PDE3A: variants seen among roughly 807,000 people sequenced by gnomAD.
PDE3A encodes cGMP-inhibited 3',5'-cyclic phosphodiesterase 3A.
Under a neutral mutation model 98.3 loss-of-function variants are expected in PDE3A, and 43 were observed. The observed-to-expected ratio is 0.44, with a 90% CI of 0.34 to 0.56. The LOEUF (loss-of-function observed/expected upper bound fraction) is 0.56, where lower values mean the gene tolerates loss of function less well. PDE3A is among the 20% of genes least tolerant of loss of function. PDE3A has a pLI of 0.01. For missense variants in PDE3A, 1,427 were observed against 1,440.7 expected (o/e 0.99, Z 0.15); for synonymous variants, 663 against 567.9 (o/e 1.17, Z -2.38).
intron 2 of PDE3A, among the ~76,000 whole-genome samples, chr12:20,579,093 C>T (rs1333500912): frequency 6.6e-6 from 1 of 152,056 alleles, no homozygotes; most frequent in Non-Finnish European, 1.5e-5. Flanking sequence ...TAATTTCAGA[C>T]TGTCAGGCTT....
intron 5 of PDE3A, among the ~76,000 whole-genome samples, chr12:20,623,396 T>C (rs970704399): frequency 6.6e-5 from 10 of 152,120 alleles, no homozygotes; most frequent in Non-Finnish European, 1.5e-4. Context: ...TCCTAAGGTC[T>C]ACCAGAGAAA....
chr12:20,604,475 T>C (rs910076370), intron 2 of PDE3A, among the ~76,000 whole-genome samples: 34 of 152,282 alleles, frequency 2.2e-4, no homozygotes, highest in Non-Finnish European at 3.1e-4. Flanking sequence ...CAAAAATATG[T>C]TTTTCTACCT....
intron 1 of PDE3A, among the ~76,000 whole-genome samples, chr12:20,426,006 G>A (rs909537704): frequency 1.4e-4 from 22 of 152,146 alleles, no homozygotes; most frequent in East Asian, 5.8e-4. Flanking sequence ...AAATTATTTC[G>A]AGCTCTTAGA....
At chr12:20,645,982 A>G (rs980422085) in intron 10 of PDE3A, among the ~76,000 whole-genome samples, 12 of 152,350 alleles carry the variant, frequency 7.9e-5, no homozygotes, top group African/African-American at 2.4e-4. Context: ...TGAAATCTAC[A>G]TATAAAAGAT....
intron 1 of PDE3A, among the ~76,000 whole-genome samples, chr12:20,452,406 C>T: frequency 6.6e-6 from 1 of 152,210 alleles, no homozygotes; most frequent in East Asian, 1.9e-4. Flanking sequence ...ATATCTCTCT[C>T]TCTCATCCCT....
At chr12:20,604,144 G>A (rs924305377) in intron 2 of PDE3A, among the ~76,000 whole-genome samples, 6 of 151,510 alleles carry the variant, frequency 4.0e-5, no homozygotes, top group Admixed American at 3.3e-4. Flanking sequence ...ACTCCAGCCT[G>A]GGCCATAGAG....
chr12:20,626,383 G>GAAA (rs11402218), intron 5 of PDE3A, among the ~76,000 whole-genome samples: 1 of 147,828 alleles, frequency 6.8e-6, no homozygotes. Flanking sequence ...TTTGGCTTTG[G>GAAA]AAAAAAAAAA....
chr12:20,423,010 G>C (rs2120764738), intron 1 of PDE3A, among the ~76,000 whole-genome samples: 2 of 152,242 alleles, frequency 1.3e-5, no homozygotes, highest in Admixed American at 1.3e-4. Context: ...GAAATCACTG[G>C]AATGTATAGC....
chr12:20,415,912 C>G (rs1025356234), intron 1 of PDE3A, among the ~76,000 whole-genome samples: 1 of 152,142 alleles, frequency 6.6e-6, no homozygotes, highest in African/African-American at 2.4e-5. Context: ...TGGACACATA[C>G]TAGGTTGTGA....
At chr12:20,393,004 G>C (rs577790978) in intron 1 of PDE3A, among the ~76,000 whole-genome samples, 1 of 151,890 alleles carries the variant, frequency 6.6e-6, no homozygotes, top group African/African-American at 2.4e-5. Context: ...GAAGACATTT[G>C]GTTAATGGAT....
chr12:20,566,571 A>C lies in PDE3A; in HGVS notation c.1011+9861A>C, dbSNP rs190449037. On this transcript the variant is annotated intron_variant, in intron 2 of 15. Coordinates refer to ENST00000359062, the MANE Select transcript of PDE3A (RefSeq NM_000921.5). Reference sequence around the variant, plus strand: ...CTCTCAGAAAATTGTGGGTGAGACAAACAGATGGAGTAGAAATCACAAAAA... The same window carrying C: ...CTCTCAGAAAATTGTGGGTGAGACACACAGATGGAGTAGAAATCACAAAAA... 8.6e-5 allele frequency among the ~76,000 whole-genome samples: 13 copies of C among 152,000 alleles called. No individual in the cohort carries two copies. In the East Asian group the frequency reaches 2.5e-3, roughly 29 times the overall value.
intron 2 of PDE3A, among the ~76,000 whole-genome samples, chr12:20,561,885 A>G (rs1336956927): frequency 1.3e-5 from 2 of 152,208 alleles, no homozygotes; most frequent in African/African-American, 2.4e-5. Flanking sequence ...AATGTCATTC[A>G]AGCTGACTTA....
chr12:20,455,301 T>A (rs1013835877), intron 1 of PDE3A, among the ~76,000 whole-genome samples: 2 of 152,190 alleles, frequency 1.3e-5, no homozygotes, highest in Non-Finnish European at 1.5e-5. Context: ...CACTTTTTAA[T>A]GGAGTTGTTT....
chr12:20,477,000 G>A (rs921822866), intron 1 of PDE3A, among the ~76,000 whole-genome samples: 1 of 152,128 alleles, frequency 6.6e-6, no homozygotes, highest in South Asian at 2.1e-4. Flanking sequence ...GAACGTGGAG[G>A]AATTGCCTTG....
At chr12:20,584,178 T>C (rs1399820586) in intron 2 of PDE3A, among the ~76,000 whole-genome samples, 1 of 152,240 alleles carries the variant, frequency 6.6e-6, no homozygotes, top group Non-Finnish European at 1.5e-5. Context: ...GTCCAGAAAT[T>C]CATTTTGTGA....
chr12:20,533,956 C>T (rs760495531), intron 1 of PDE3A, among the ~76,000 whole-genome samples: 2 of 151,970 alleles, frequency 1.3e-5, no homozygotes, highest in Non-Finnish European at 2.9e-5. Context: ...TCCGTGCGCC[C>T]GTCTTTTTTC....
chr12:20,619,896 A>G (rs999006059), intron 4 of PDE3A, among the ~76,000 whole-genome samples: 5 of 152,226 alleles, frequency 3.3e-5, no homozygotes, highest in Non-Finnish European at 7.4e-5. Context: ...CAGAGTGTCA[A>G]ATTGACCTCA....
At chr12:20,665,482 C>T (rs1420547211) in intron 15 of PDE3A, among the ~76,000 whole-genome samples, 1 of 152,032 alleles carries the variant, frequency 6.6e-6, no homozygotes, top group Non-Finnish European at 1.5e-5. Flanking sequence ...TTTTTAAATG[C>T]ATACGTGCTG....
At chr12:20,491,613 A>C (rs1466182361) in intron 1 of PDE3A, among the ~76,000 whole-genome samples, 2 of 152,172 alleles carry the variant, frequency 1.3e-5, no homozygotes, top group Non-Finnish European at 2.9e-5. Flanking sequence ...TTAAAGATAA[A>C]CAGAGTTAAG....
Sources: gnomAD v4.1 joint callset for allele counts (sites outside exome capture counted in the v4.1 genomes callset) on GRCh38, gnomAD v4.1.1 for gene constraint, MANE v1.5 for transcripts, NCBI Gene and HGNC (gene_info 2026-07-23, HGNC 2026-07-21) for gene names.